Variants in RBFOX1 observed in about 807,000 individuals in gnomAD.
The protein encoded by RBFOX1 is RNA binding protein fox-1 homolog 1.
Under a neutral mutation model 57.7 loss-of-function variants are expected in RBFOX1, and 8 were observed. The ratio of observed to expected loss-of-function variants is 0.14; its 90% CI spans 0.08 to 0.25. The LOEUF is 0.25. Among genes scored for constraint, RBFOX1 ranks in the 10% least tolerant of loss-of-function variants. The pLI, the probability that RBFOX1 is intolerant of heterozygous loss-of-function variation, is 1.00. For missense variants in RBFOX1, 611 were observed against 548.5 expected, an observed-to-expected ratio of 1.11 and a Z score of -1.14; for synonymous variants, 326 against 222.4, an observed-to-expected ratio of 1.47 and a Z score of -4.15.
At chr16:7,684,985 G>C (rs1486095982) in intron 14 of RBFOX1, among the ~76,000 whole-genome samples, 2 of 152,074 alleles carry the variant, frequency 1.3e-5, no homozygotes, top group African/African-American at 4.8e-5. Context: ...TTCAAGATTT[G>C]AGTGGATCAT....
intron 4 of RBFOX1, among the ~76,000 whole-genome samples, chr16:5,890,457 G>C (rs2058019367): frequency 6.6e-6 from 1 of 152,104 alleles, no homozygotes. Context: ...CCACCACTTT[G>C]GGAGGCTGAG....
chr16:6,573,183 T>C (rs1181212269), intron 2 of RBFOX1, among the ~76,000 whole-genome samples: 4 of 152,120 alleles, frequency 2.6e-5, no homozygotes, highest in Non-Finnish European at 5.9e-5. Flanking sequence ...CATTTCTATG[T>C]GAAGGGAAAC....
At chr16:6,533,487 C>T (rs1476972) in intron 2 of RBFOX1, among the ~76,000 whole-genome samples, 65,878 of 152,076 alleles carry the variant, frequency 0.43, 14,736 homozygotes, top group Non-Finnish European at 0.49. Context: ...CTGGACTCTA[C>T]ACTTGACACA....
intron 1 of RBFOX1, among the ~76,000 whole-genome samples, chr16:6,145,857 G>A (rs970753532): frequency 6.6e-6 from 1 of 152,194 alleles, no homozygotes; most frequent in African/African-American, 2.4e-5. Flanking sequence ...TGCTTTTCTT[G>A]TATGTGGCCT....
chr16:6,396,309 C>A (rs2092833225), intron 2 of RBFOX1, among the ~76,000 whole-genome samples: 1 of 151,986 alleles, frequency 6.6e-6, no homozygotes, highest in African/African-American at 2.4e-5. Context: ...ATATTCACCC[C>A]CAAAGTACAC....
chr16:5,291,777 A>G (rs1596414660), intron 1 of RBFOX1, among the ~76,000 whole-genome samples: 2 of 152,104 alleles, frequency 1.3e-5, no homozygotes, highest in African/African-American at 2.4e-5. Context: ...AGAGTGGCTG[A>G]GCAGTGAACG....
At chr16:6,839,366 G>A (rs1185592748) in intron 3 of RBFOX1, among the ~76,000 whole-genome samples, 1 of 152,224 alleles carries the variant, frequency 6.6e-6, no homozygotes, top group African/African-American at 2.4e-5. Flanking sequence ...CATCTGGGCA[G>A]AAAGGCTGAG....
chr16:5,647,975 T>C (rs1004488839), intron 3 of RBFOX1, among the ~76,000 whole-genome samples: 18 of 152,232 alleles, frequency 1.2e-4, no homozygotes, highest in Admixed American at 2.6e-4. Flanking sequence ...TTCTCCTGCC[T>C]CAGCCTCCTG....
rs1334124402 is a variant in RBFOX1 at position 6,943,709 on chromosome 16, A to T, written c.-15-108348A>T. Among the ~76,000 whole-genome samples, 8 of 83,882 alleles carry T rather than the reference A, an allele frequency of 9.5e-5. No homozygotes were observed. The South Asian group carries it at 1.2e-3, about 13-fold the overall frequency. 55.0% of individuals were successfully genotyped at this position (83,882 alleles called of 152,430 possible). On this transcript the variant is annotated intron_variant, in intron 3 of 15. Transcript: ENST00000550418. ...GGCGAGAGAGTGAGACTCTGTCTTT[A>T]AAAAAAAAAAAAAAAAAAGTATTCG...
At chr16:5,547,803 C>A (rs141224444) in intron 2 of RBFOX1, among the ~76,000 whole-genome samples, 424 of 152,118 alleles carry the variant, frequency 2.8e-3, no homozygotes, top group Non-Finnish European at 5.2e-3. Context: ...GAACAGAAAA[C>A]CAAATACTAC....
Position 7,504,268 on chromosome 16 carries a change from C to A in RBFOX1, c.28-13879C>A, listed in dbSNP as rs567298494. On this transcript the variant is annotated intron_variant, in intron 4 of 15. Coordinates refer to ENST00000550418, the MANE Select transcript of RBFOX1 (RefSeq NM_018723.4). ...ATTGATGGAAGTTCTATTTATAGAA[C>A]ATTTAGGGCAGTGGCAAGCATGTGG... Among the ~76,000 whole-genome samples, 4 of 152,002 alleles carry A rather than the reference C, an allele frequency of 2.6e-5. No homozygotes were observed. The South Asian group carries it at 6.2e-4, about 24-fold the overall frequency.
intron 3 of RBFOX1, among the ~76,000 whole-genome samples, chr16:5,848,806 G>C (rs2056818666): frequency 6.6e-6 from 1 of 151,994 alleles, no homozygotes; most frequent in African/African-American, 2.4e-5. Context: ...AAAATTAGCT[G>C]GGCATGGTGG....
At chr16:5,536,039 C>T (rs1349139878) in intron 2 of RBFOX1, among the ~76,000 whole-genome samples, 1 of 151,948 alleles carries the variant, frequency 6.6e-6, no homozygotes, top group Non-Finnish European at 1.5e-5. Flanking sequence ...CAGGGAATCT[C>T]TTACTTTTAG....
chr16:6,315,596 G>C (rs180982240), intron 1 of RBFOX1, among the ~76,000 whole-genome samples: 222 of 143,248 alleles, frequency 1.5e-3, no homozygotes, highest in African/African-American at 5.4e-3. Context: ...TGGATGGATA[G>C]ATGGATGGAT....
intron 1 of RBFOX1, among the ~76,000 whole-genome samples, chr16:5,290,217 C>T (rs1324054003): frequency 6.6e-6 from 1 of 152,112 alleles, no homozygotes; most frequent in African/African-American, 2.4e-5. Context: ...CAAAGATTAG[C>T]TTGGTGTGGT....
At chr16:5,903,500 T>C (rs965615302) in intron 4 of RBFOX1, among the ~76,000 whole-genome samples, 4 of 152,088 alleles carry the variant, frequency 2.6e-5, no homozygotes, top group African/African-American at 9.7e-5. Context: ...ATAAAACAAC[T>C]TAAGCTCATT....
At chr16:6,619,784 T>G (rs969580586) in intron 2 of RBFOX1, among the ~76,000 whole-genome samples, 3 of 151,906 alleles carry the variant, frequency 2.0e-5, no homozygotes, top group Non-Finnish European at 4.4e-5. Context: ...GGGGACTTGT[T>G]GTACAGATGA....
intron 3 of RBFOX1, among the ~76,000 whole-genome samples, chr16:6,657,829 A>G: frequency 6.6e-6 from 1 of 151,766 alleles, no homozygotes; most frequent in East Asian, 1.9e-4. Flanking sequence ...AGCTCTTTTT[A>G]TTTTATTTTA....
chr16:5,821,300 T>TA (rs1241409937), intron 3 of RBFOX1, among the ~76,000 whole-genome samples: 1 of 147,180 alleles, frequency 6.8e-6, no homozygotes, highest in East Asian at 2.0e-4. Context: ...TTTTTTATTT[T>TA]TTTTTTTTTT....
Sources: allele counts gnomAD v4.1 joint callset (sites outside exome capture counted in the v4.1 genomes callset), GRCh38; gene constraint gnomAD v4.1.1; transcripts MANE v1.5; gene names NCBI Gene and HGNC (gene_info 2026-07-23, HGNC 2026-07-21).